Variants in HLCS observed in about 807,000 individuals in gnomAD.
HLCS encodes holocarboxylase synthetase.
Under a neutral mutation model 75.0 loss-of-function variants are expected in HLCS, and 53 were observed. That is an observed-to-expected ratio of 0.71 (90% CI 0.57 to 0.89). HLCS has a LOEUF of 0.89. HLCS is among the 40% of genes least tolerant of loss of function. The probability of loss-of-function intolerance (pLI) is 0.00; values close to 1 mark genes in which losing one functional copy is unlikely to be tolerated. For synonymous variants in HLCS, 431 were observed against 428.6 expected, an observed-to-expected ratio of 1.01 and a Z score of -0.07; for missense variants, 966 against 1,074.0, an observed-to-expected ratio of 0.90 and a Z score of 1.41.
At chr21:36,885,107 A>G (rs1294894934) in intron 6 of HLCS, among the ~76,000 whole-genome samples, 1 of 152,250 alleles carries the variant, frequency 6.6e-6, no homozygotes, top group African/African-American at 2.4e-5. Flanking sequence ...TTTCAAAAAA[A>G]GTTGGACTAA....
intron 2 of HLCS, among the ~76,000 whole-genome samples, chr21:36,939,823 T>C (rs1404991920): frequency 6.6e-6 from 1 of 152,200 alleles, no homozygotes; most frequent in East Asian, 1.9e-4. Flanking sequence ...ATCATCACTG[T>C]CTGTCCTCGG....
At chr21:36,766,013 G>C (rs1405784166) in intron 7 of HLCS, among the ~76,000 whole-genome samples, 1 of 152,112 alleles carries the variant, frequency 6.6e-6, no homozygotes, top group Non-Finnish European at 1.5e-5. Context: ...TATTAACTGA[G>C]TTGTTATTTT....
intron 9 of HLCS, among the ~76,000 whole-genome samples, chr21:36,758,008 A>G (rs2089672442): frequency 6.6e-6 from 1 of 152,228 alleles, no homozygotes; most frequent in Admixed American, 6.5e-5. Context: ...CTGAATCCCC[A>G]AAGTCAGAGA....
intron 6 of HLCS, among the ~76,000 whole-genome samples, chr21:36,857,600 C>A (rs1275184335): frequency 6.6e-6 from 1 of 152,118 alleles, no homozygotes; most frequent in Non-Finnish European, 1.5e-5. Flanking sequence ...TGTTCACCCA[C>A]CCCAAACCTC....
chr21:36,890,067 T>A (rs2146307534), intron 6 of HLCS, among the ~76,000 whole-genome samples: 1 of 152,282 alleles, frequency 6.6e-6, no homozygotes, highest in African/African-American at 2.4e-5. Context: ...GTTTGGTAGT[T>A]CCTCCTGTGT....
At chr21:36,953,857 G>A (rs1373257516) in intron 2 of HLCS, among the ~76,000 whole-genome samples, 1 of 152,050 alleles carries the variant, frequency 6.6e-6, no homozygotes, top group African/African-American at 2.4e-5. Context: ...CTCGCCCAAC[G>A]ATGGACCATA....
chr21:36,944,214 A>AT (rs2067277105), intron 2 of HLCS: 1 of 152,232 alleles, frequency 6.6e-6, no homozygotes, highest in African/African-American at 2.4e-5. Context: ...CAAACTTGAG[A>AT]TATGCACAAC....
At chr21:36,797,881 G>A (rs756793964) in intron 6 of HLCS, among the ~76,000 whole-genome samples, 5 of 152,172 alleles carry the variant, frequency 3.3e-5, no homozygotes, top group African/African-American at 7.2e-5. Flanking sequence ...TCTAGAGACC[G>A]AGAAATACAG....
intron 5 of HLCS, among the ~76,000 whole-genome samples, chr21:36,926,072 T>C (rs1438762739): frequency 1.3e-5 from 2 of 152,156 alleles, no homozygotes; most frequent in Non-Finnish European, 2.9e-5. Context: ...CACCAGGTGA[T>C]CGCACCCCGG....
At chr21:36,763,433 G>A (rs2089922141) in intron 8 of HLCS, among the ~76,000 whole-genome samples, 1 of 152,208 alleles carries the variant, frequency 6.6e-6, no homozygotes, top group South Asian at 2.1e-4. Context: ...AGGATGCTGG[G>A]TGCCTGGTAG....
In HLCS at chr21:36,934,747, C is replaced by A. The variant is rs183637990; in HGVS notation, c.1437+1702G>T. On this transcript the variant is annotated intron_variant, in intron 4 of 10. Coordinates refer to ENST00000674895, the MANE Select transcript of HLCS (RefSeq NM_001352514.2). Reference sequence around the variant, plus strand: ...GGTTACATCATTACTAGATTTATTACAAAGGTGAAGACTATGAAATTGAAC... The same window carrying A: ...GGTTACATCATTACTAGATTTATTAAAAAGGTGAAGACTATGAAATTGAAC... 9.0e-4 allele frequency among the ~76,000 whole-genome samples: 137 copies of A among 152,222 alleles called. 2 individuals carry two copies. Among genetic ancestry groups the A allele is most frequent in the Admixed American group, 8.4e-3 (128 of 15,296 alleles).
intron 6 of HLCS, among the ~76,000 whole-genome samples, chr21:36,891,267 G>T (rs1458005483): frequency 2.6e-5 from 4 of 152,192 alleles, no homozygotes; most frequent in African/African-American, 4.8e-5. Context: ...AACTCAGCTG[G>T]GTCCTTGACA....
intron 6 of HLCS, among the ~76,000 whole-genome samples, chr21:36,773,461 C>T (rs140487800): frequency 5.7e-4 from 87 of 152,378 alleles, no homozygotes; most frequent in African/African-American, 1.9e-3. Context: ...GGAAAACACA[C>T]CCCAAACCCT....
chr21:36,907,952 C>T (rs1340227181), intron 5 of HLCS, among the ~76,000 whole-genome samples: 2 of 152,040 alleles, frequency 1.3e-5, no homozygotes, highest in Non-Finnish European at 2.9e-5. Context: ...TACCACTATA[C>T]ATCCACCTGA....
intron 3 of HLCS, 140 bp from the exon 4 acceptor site, chr21:36,937,532 G>A (rs533650484): frequency 6.4e-6 from 5 of 777,518 alleles, no homozygotes; most frequent in South Asian, 4.6e-5. Context: ...GCTCCCACCT[G>A]CATCCCCCCT....
chr21:36,804,748 C>G (rs1452149526), intron 6 of HLCS, among the ~76,000 whole-genome samples: 1 of 152,142 alleles, frequency 6.6e-6, no homozygotes, highest in Non-Finnish European at 1.5e-5. Flanking sequence ...TTACTAACTG[C>G]TGCCATAGTA....
chr21:36,809,409 C>T (rs970511930), intron 6 of HLCS, among the ~76,000 whole-genome samples: 2 of 152,094 alleles, frequency 1.3e-5, no homozygotes, highest in South Asian at 2.1e-4. Flanking sequence ...CAAGAACCAG[C>T]GTGGGATTTT....
rs192480912 is a variant in HLCS at position 36,828,503 on chromosome 21, T to A, written c.1893-61218A>T. Among the ~76,000 whole-genome samples, 647 of 152,276 alleles carry A rather than the reference T, an allele frequency of 4.2e-3. 3 individuals carry two copies. Among genetic ancestry groups the A allele is most frequent in the African/African-American group, 0.015 (611 of 41,546 alleles). ...AACTCTTTTTTTCCTTTATTCTTCC[T>A]TTTTTCCAAAAGAAGAATAGCCTAT... On this transcript the variant is annotated intron_variant, in intron 6 of 10. Coordinates refer to ENST00000674895, the MANE Select transcript of HLCS (RefSeq NM_001352514.2).
intron 6 of HLCS, among the ~76,000 whole-genome samples, chr21:36,787,206 C>T (rs2060714373): frequency 6.6e-6 from 1 of 152,240 alleles, no homozygotes; most frequent in Admixed American, 6.5e-5. Context: ...CTGCCACGTC[C>T]ACTCTGAGTG....
Sources: allele counts gnomAD v4.1 joint callset (sites outside exome capture counted in the v4.1 genomes callset), GRCh38; gene constraint gnomAD v4.1.1; transcripts MANE v1.5; gene names NCBI Gene and HGNC (gene_info 2026-07-23, HGNC 2026-07-21).